UBXN7: variants seen among roughly 807,000 people sequenced by gnomAD.
The protein encoded by UBXN7 is UBX domain-containing protein 7.
A neutral mutation model predicts 58.0 loss-of-function variants in UBXN7; 9 were observed. The observed-to-expected ratio is 0.16, with a 90% confidence interval of 0.09 to 0.27. UBXN7 has a LOEUF of 0.27. Among genes scored for constraint, UBXN7 ranks in the 10% least tolerant of loss-of-function variants. UBXN7 has a pLI of 1.00. For missense variants in UBXN7, 328 were observed against 599.6 expected (o/e 0.55, Z 4.73); for synonymous variants, 208 against 205.0 (o/e 1.01, Z -0.12).
intron 5 of UBXN7, among the ~76,000 whole-genome samples, chr3:196,374,921 G>GA (rs1728954026): frequency 2.3e-4 from 2 of 8,780 alleles, no homozygotes; most frequent in Admixed American, 9.4e-4. Context: ...GGGGGAGGGG[G>GA]AGGGGAAGGG....
In UBXN7 at chr3:196,361,938, T is replaced by TAAAAAA. The variant is rs368893517; in HGVS notation, c.1229-21_1229-16dup. 1.4e-6 allele frequency: 2 copies of TAAAAAA among 1,421,990 alleles called. No homozygotes were observed. The highest frequency in any genetic ancestry group is 9.6e-7 in the Non-Finnish European group (1 of 1,043,526). The allele number at this position is 1,421,990 out of a possible 1,614,324, so 88.1% of individuals were successfully genotyped here. On this transcript the variant is annotated splice_polypyrimidine_tract_variant and intron_variant, in intron 9 of 10. Coordinates refer to ENST00000296328, the MANE Select transcript of UBXN7 (RefSeq NM_015562.2). ...TGCTTTTGGTCCTAAAGGAAGGGTT[T>TAAAAAA]AAAAAAAAAAAAAAAACGGGATACA... is the stretch of plus-strand genomic sequence containing the variant.
intron 10 of UBXN7, 48 bp downstream of exon 10, chr3:196,361,796 C>T (rs758113273): frequency 1.2e-5 from 18 of 1,523,446 alleles, no homozygotes; most frequent in Non-Finnish European, 1.6e-5. Flanking sequence ...ATTTGGGACT[C>T]GTCTTATTGC....
At chr3:196,388,473 G>GT (rs569238340) in intron 5 of UBXN7, among the ~76,000 whole-genome samples, 49,267 of 145,968 alleles carry the variant, frequency 0.34, 9,259 homozygotes, top group East Asian at 0.82. Flanking sequence ...GCTACTGTTT[G>GT]TTTTTTTTTT....
intron 10 of UBXN7, 135 bp downstream of exon 10, chr3:196,361,709 G>T: frequency 3.0e-6 from 2 of 677,416 alleles, no homozygotes; most frequent in South Asian, 2.7e-5. Context: ...CTTTTTTTTA[G>T]ACATAAAGCT....
At chr3:196,378,686 G>GTA (rs1729106194) in intron 5 of UBXN7, among the ~76,000 whole-genome samples, 1 of 152,240 alleles carries the variant, frequency 6.6e-6, no homozygotes, top group Non-Finnish European at 1.5e-5. Context: ...AACTGCCACT[G>GTA]CACTGGTGGG....
intron 1 of UBXN7, among the ~76,000 whole-genome samples, chr3:196,421,208 T>A (rs1475655442): frequency 6.6e-6 from 1 of 152,178 alleles, no homozygotes; most frequent in East Asian, 1.9e-4. Context: ...ATTCATTAGT[T>A]CACAAAAGGA....
rs755498217 is a variant in UBXN7, at chr3:196,432,427, C to A, written c.-28G>T. 1.9e-6 allele frequency: 3 copies of A among 1,575,766 alleles called. No individual in the cohort carries two copies. The highest frequency in any genetic ancestry group is 2.6e-6 in the Non-Finnish European group (3 of 1,157,396). Reference sequence around the variant, plus strand: ...TACCGCCGCCGCCGCCGCCGAACAACAACACAGACACACACGGACTGCCCT... The same window carrying A: ...TACCGCCGCCGCCGCCGCCGAACAAAAACACAGACACACACGGACTGCCCT... On this transcript the variant is annotated 5_prime_UTR_variant, in exon 1 of 11. Coordinates refer to ENST00000296328, the MANE Select transcript of UBXN7 (RefSeq NM_015562.2).
chr3:196,369,340 A>G (rs1490959446), intron 7 of UBXN7, 81 bp downstream of exon 7: 20 of 1,123,520 alleles, frequency 1.8e-5, no homozygotes, highest in Admixed American at 8.5e-5. Flanking sequence ...AAACAGATCC[A>G]GTCAAATATT....
At chr3:196,418,688 T>G (rs1730579682) in intron 1 of UBXN7, among the ~76,000 whole-genome samples, 1 of 152,244 alleles carries the variant, frequency 6.6e-6, no homozygotes, top group Non-Finnish European at 1.5e-5. Flanking sequence ...AAGTACAGTA[T>G]GTATGTATTC....
intron 1 of UBXN7, among the ~76,000 whole-genome samples, chr3:196,420,661 TCAC>T (rs896610962): frequency 6.6e-5 from 10 of 152,336 alleles, no homozygotes; most frequent in East Asian, 5.8e-4. Flanking sequence ...ACTTTGTTTC[TCAC>T]CACATGAACC....
At chr3:196,392,011 C>T in intron 4 of UBXN7, 86 bp from the exon 5 acceptor site, 1 of 777,728 alleles carries the variant, frequency 1.3e-6, no homozygotes, top group Non-Finnish European at 1.9e-6. Flanking sequence ...AAACTTCTGT[C>T]AATTGAAGGA....
chr3:196,393,682 G>T, intron 3 of UBXN7, 63 bp from the exon 4 acceptor site: 1 of 1,491,076 alleles, frequency 6.7e-7, no homozygotes. Flanking sequence ...TTCTAAAAAT[G>T]TCCTTATCTA....
At chr3:196,365,811 G>A (rs1349432787) in intron 8 of UBXN7, among the ~76,000 whole-genome samples, 3 of 151,974 alleles carry the variant, frequency 2.0e-5, no homozygotes, top group Admixed American at 6.6e-5. Context: ...CGTATCTACC[G>A]ATAAGATTGA....
rs1214304747 is a variant in UBXN7, at chr3:196,410,440, C to T, written c.74-3047G>A. 3.3e-5 allele frequency among the ~76,000 whole-genome samples: 5 copies of T among 152,194 alleles called. No homozygotes were observed. The South Asian group carries it at 1.0e-3, about 31-fold the overall frequency. On this transcript the variant is annotated intron_variant, in intron 1 of 10. Transcript: ENST00000296328. ...TACTTACCTCAATTACTTCAATAGGCTACTAACTGATCATTATTCCATTTT... is the reference window on the plus strand; with the variant it reads ...TACTTACCTCAATTACTTCAATAGGTTACTAACTGATCATTATTCCATTTT...
intron 1 of UBXN7, among the ~76,000 whole-genome samples, chr3:196,429,326 CA>C (rs528881094): frequency 0.013 from 1,318 of 98,570 alleles, 15 homozygotes; most frequent in African/African-American, 0.043. Flanking sequence ...GACTCCGTCT[CA>C]AAAAAAAAAA....
At chr3:196,389,748 T>C (rs1729519569) in intron 5 of UBXN7, among the ~76,000 whole-genome samples, 1 of 152,206 alleles carries the variant, frequency 6.6e-6, no homozygotes, top group Non-Finnish European at 1.5e-5. Context: ...TTTTTCTTTA[T>C]AAATTGCCCA....
chr3:196,393,717 T>C (rs554208704), intron 3 of UBXN7, 98 bp from the exon 4 acceptor site: 16 of 1,234,626 alleles, frequency 1.3e-5, no homozygotes, highest in Admixed American at 6.8e-5. Context: ...ATAAAACATA[T>C]GAAACCCTTC....
chr3:196,375,535 A>C (rs1358414094), intron 5 of UBXN7, among the ~76,000 whole-genome samples: 1 of 152,222 alleles, frequency 6.6e-6, no homozygotes, highest in East Asian at 1.9e-4. Context: ...TATGTGAATC[A>C]AGGACTGGAG....
intron 2 of UBXN7, among the ~76,000 whole-genome samples, chr3:196,405,892 AT>A: frequency 6.6e-6 from 1 of 152,366 alleles, no homozygotes; most frequent in Admixed American, 6.5e-5. Context: ...AGGAAAAGAT[AT>A]TCATTTATCA....
Sources: gnomAD v4.1 joint callset for allele counts (sites outside exome capture counted in the v4.1 genomes callset) on GRCh38, gnomAD v4.1.1 for gene constraint, MANE v1.5 for transcripts, NCBI Gene and HGNC (gene_info 2026-07-23, HGNC 2026-07-21) for gene names.